Variants in NDUFB2 observed in about 807,000 individuals in gnomAD.
The protein encoded by NDUFB2 is NADH dehydrogenase [ubiquinone] 1 beta subcomplex subunit 2, mitochondrial.
In NDUFB2, 13 loss-of-function variants were observed where a neutral mutation model predicts 13.4. The ratio of observed to expected loss-of-function variants is 0.97; its 90% CI spans 0.63 to 1.54. The LOEUF (loss-of-function observed/expected upper bound fraction) is 1.54, where lower values mean the gene tolerates loss of function less well. Ranked by LOEUF, NDUFB2 falls within the 40% of genes most tolerant of loss-of-function variation. The pLI, the probability that NDUFB2 is intolerant of heterozygous loss-of-function variation, is 0.00. For synonymous variants in NDUFB2, 47 were observed against 50.6 expected (o/e 0.93, Z 0.30); for missense variants, 150 against 139.7 (o/e 1.07, Z -0.37).
At chr7:140,704,096 G>T (rs1342688615) in intron 2 of NDUFB2, among the ~76,000 whole-genome samples, 2 of 152,170 alleles carry the variant, frequency 1.3e-5, no homozygotes, top group Non-Finnish European at 2.9e-5. Context: ...CTCAACTGAG[G>T]TTTTACCACA....
Position 140,696,985 on chromosome 7 carries a change from G to A in NDUFB2, c.98+143G>A, listed in dbSNP as rs1794817874. On this transcript the variant is annotated intron_variant, in intron 1 of 3. Transcript: ENST00000247866. ...ACCTGTAGTCCGCGTGTCTCCTGAA[G>A]CCGCGACTCGAGGAGAGGGACCCCG... is the stretch of plus-strand genomic sequence containing the variant. The A allele has an allele frequency of 5.4e-6, 4 of 743,410 alleles. No homozygotes were observed. The Admixed American group carries it at 1.0e-4, about 19-fold the overall frequency. The allele number at this position is 743,410 out of a possible 1,614,324, so 46.1% of individuals were successfully genotyped here.
intron 2 of NDUFB2, among the ~76,000 whole-genome samples, chr7:140,703,273 A>ATTT (rs10597210): frequency 1.7e-5 from 2 of 120,328 alleles, no homozygotes; most frequent in Admixed American, 1.7e-4. Context: ...CTAAAAGCTC[A>ATTT]TTTTTTTTTT....
chr7:140,704,761 T>TA, intron 2 of NDUFB2, 99 bp from the exon 3 acceptor site: 1 of 808,314 alleles, frequency 1.2e-6, no homozygotes, highest in Non-Finnish European at 1.9e-6. Context: ...TGAGCCATAT[T>TA]GTTTTTTTTT....
At chr7:140,705,021 T>C in intron 3 of NDUFB2, 58 bp downstream of exon 3, 4 of 968,872 alleles carry the variant, frequency 4.1e-6, no homozygotes, top group Non-Finnish European at 5.9e-6. Context: ...AACATTAGTT[T>C]TTACTTTGTG....
chr7:140,699,845 G>T lies in NDUFB2; in HGVS notation c.98+3003G>T, dbSNP rs542403094. 2.7e-5 allele frequency among the ~76,000 whole-genome samples: 4 copies of T among 149,412 alleles called. No individual in the cohort carries two copies. In the South Asian group the frequency reaches 8.7e-4, roughly 33 times the overall value. ...AGCAGAGTTGTTAATTTGGAGGGTT[G>T]TTCAGGGTATCTAGTTTGCCACAAT... On this transcript the variant is annotated intron_variant, in intron 1 of 3. Transcript: ENST00000247866.
rs1230477887 is a variant in NDUFB2, at chr7:140,696,818, C to T, written c.74C>T (p.Thr25Ile). 5.0e-6 allele frequency: 8 copies of T among 1,608,946 alleles called. No individual in the cohort carries two copies. In the Admixed American group the frequency reaches 1.2e-4, roughly 24 times the overall value. Reference sequence around the variant, plus strand: ...CTTTTCAGAAGCGGCTGCGCACGGACTGCTGGAGATGGTGGAGTCCGTCAG... The same window carrying T: ...CTTTTCAGAAGCGGCTGCGCACGGATTGCTGGAGATGGTGGAGTCCGTCAG... ...GRLFRSGCAR[T>I]AGDGGVRHAG... The change falls in exon 1 of 4, where the codon ACT (threonine) becomes ATT (isoleucine). Residue 25 changes from threonine to isoleucine, a missense_variant. Thr to Ile is a moderately conservative substitution (Grantham distance 89). Coordinates refer to ENST00000247866, the MANE Select transcript of NDUFB2 (RefSeq NM_004546.3).
At chr7:140,705,991 CTTTTA>C (rs1448857751) in intron 3 of NDUFB2, 4 of 146,764 alleles carry the variant, frequency 2.7e-5, no homozygotes, top group Admixed American at 6.7e-5. Flanking sequence ...ATTTAACATG[CTTTTA>C]TTTTATATTT....
intron 1 of NDUFB2, 73 bp from the exon 2 acceptor site, chr7:140,702,793 C>T: frequency 6.4e-7 from 1 of 1,566,430 alleles, no homozygotes; most frequent in Admixed American, 1.7e-5. Flanking sequence ...TAGGATGTAA[C>T]TCAGAGGAGT....
intron 1 of NDUFB2, chr7:140,702,121 G>T: frequency 1.5e-6 from 1 of 674,140 alleles, no homozygotes; most frequent in South Asian, 1.6e-5. Context: ...AGATGAAATT[G>T]GTAAACATAT....
chr7:140,702,165 C>A, intron 1 of NDUFB2: 1 of 637,948 alleles, frequency 1.6e-6, no homozygotes. Context: ...ATTTTTTATC[C>A]ACTTCTGTTT....
chr7:140,698,959 A>C (rs958886922), intron 1 of NDUFB2, among the ~76,000 whole-genome samples: 2 of 152,114 alleles, frequency 1.3e-5, no homozygotes, highest in African/African-American at 4.8e-5. Context: ...GGAGTTCGAG[A>C]CCAGCCTGGC....
intron 2 of NDUFB2, 83 bp from the exon 3 acceptor site, chr7:140,704,777 T>A: frequency 2.1e-6 from 2 of 964,872 alleles, no homozygotes; most frequent in South Asian, 2.0e-5. Flanking sequence ...TTTTTTTTTC[T>A]TTCCAAGATT....
rs146998050 is a variant in NDUFB2 at position 140,703,072 on chromosome 7, C to G, written c.243+62C>G. ...TGGGGGAGGGAGGATGTATTAATAGCTTGTTTATTTTTCTGTTGTAGACCA... is the reference window on the plus strand; with the variant it reads ...TGGGGGAGGGAGGATGTATTAATAGGTTGTTTATTTTTCTGTTGTAGACCA... On this transcript the variant is annotated intron_variant, in intron 2 of 3. Coordinates refer to ENST00000247866, the MANE Select transcript of NDUFB2 (RefSeq NM_004546.3). The G allele has an allele frequency of 3.9e-5, 62 of 1,586,192 alleles. No individual in the cohort carries two copies. The African/African-American group carries it at 7.1e-4, about 18-fold the overall frequency.
chr7:140,704,685 G>C (rs1416410451), intron 2 of NDUFB2, among the ~76,000 whole-genome samples, 175 bp from the exon 3 acceptor site: 3 of 151,894 alleles, frequency 2.0e-5, no homozygotes, highest in African/African-American at 7.3e-5. Flanking sequence ...CCCATATAAT[G>C]AACAAACTAA....
chr7:140,696,886 G>GAA, intron 1 of NDUFB2, 44 bp downstream of exon 1: 4 of 1,539,574 alleles, frequency 2.6e-6, no homozygotes, highest in Non-Finnish European at 3.5e-6. Flanking sequence ...GCCTGTAGCG[G>GAA]ACAGCGCGGG....
intron 2 of NDUFB2, 79 bp from the exon 3 acceptor site, chr7:140,704,779 TCC>T: frequency 9.9e-7 from 1 of 1,008,512 alleles, no homozygotes; most frequent in South Asian, 1.9e-5. Flanking sequence ...TTTTTTTCTT[TCC>T]AAGATTTATT....
intron 1 of NDUFB2, chr7:140,697,091 G>C: frequency 1.7e-6 from 1 of 588,446 alleles, no homozygotes; most frequent in Non-Finnish European, 3.0e-6. Flanking sequence ...GGGGCCGCCT[G>C]CCCTCGGGAG....
rs1449340207 is a variant in NDUFB2 at position 140,704,359 on chromosome 7, G to A, written c.244-501G>A. Among the ~76,000 whole-genome samples the A allele has an allele frequency of 3.9e-5, 6 of 152,148 alleles. No homozygotes were observed. The East Asian group carries it at 9.6e-4, about 24-fold the overall frequency. ...TGTCCACACATTTACTATTTGAGGT[G>A]CCCCTGCCTCACTGTAGGTCAGCTG... On this transcript the variant is annotated intron_variant, in intron 2 of 3. Coordinates refer to ENST00000247866, the MANE Select transcript of NDUFB2 (RefSeq NM_004546.3).
intron 1 of NDUFB2, 57 bp from the exon 2 acceptor site, chr7:140,702,809 A>G (rs905423002): frequency 1.2e-5 from 19 of 1,598,104 alleles, no homozygotes; most frequent in Admixed American, 1.7e-5. Context: ...GGAGTTTTGG[A>G]TGACTTAACG....
Sources: allele counts gnomAD v4.1 joint callset (sites outside exome capture counted in the v4.1 genomes callset), GRCh38; gene constraint gnomAD v4.1.1; transcripts MANE v1.5; gene names NCBI Gene and HGNC (gene_info 2026-07-23, HGNC 2026-07-21).